RSRC1: variants seen among roughly 807,000 people sequenced by gnomAD.
RSRC1 encodes serine/Arginine-related protein 53.
A neutral mutation model predicts 49.1 loss-of-function variants in RSRC1; 39 were observed. The observed-to-expected ratio is 0.79, with a 90% CI of 0.61 to 1.04. The LOEUF is 1.04. Ranked by LOEUF, RSRC1 falls within the 50% of genes least tolerant of loss-of-function variation. The pLI, the probability that RSRC1 is intolerant of heterozygous loss-of-function variation, is 0.00. For synonymous variants in RSRC1, 143 were observed against 130.8 expected (o/e 1.09, Z -0.63); for missense variants, 388 against 402.4 (o/e 0.96, Z 0.31).
intron 6 of RSRC1, among the ~76,000 whole-genome samples, chr3:158,391,714 G>A (rs1733306463): frequency 6.6e-6 from 1 of 152,070 alleles, no homozygotes; most frequent in South Asian, 2.1e-4. Flanking sequence ...CATGTGCCCA[G>A]AACCTAATCC....
At chr3:158,354,738 G>A in intron 5 of RSRC1, 119 bp from the exon 6 acceptor site, 1 of 693,960 alleles carries the variant, frequency 1.4e-6, no homozygotes, top group Non-Finnish European at 2.4e-6. Context: ...TATAAATTAT[G>A]TTAAAGCTCT....
intron 4 of RSRC1, among the ~76,000 whole-genome samples, chr3:158,216,534 C>A (rs937250553): frequency 8.6e-5 from 13 of 151,450 alleles, no homozygotes; most frequent in African/African-American, 3.1e-4. Flanking sequence ...TCAATGGATT[C>A]ATTTCTGTTG....
At chr3:158,245,750 T>C (rs765957376) in intron 4 of RSRC1, among the ~76,000 whole-genome samples, 4 of 152,188 alleles carry the variant, frequency 2.6e-5, no homozygotes, top group Admixed American at 6.5e-5. Flanking sequence ...TTTTTGTTAA[T>C]TGAACCCTTT....
intron 1 of RSRC1, among the ~76,000 whole-genome samples, chr3:158,117,881 T>TTTTCTTTCTTTC (rs139354874): frequency 3.2e-4 from 48 of 150,478 alleles, no homozygotes; most frequent in African/African-American, 1.0e-3. Context: ...GTCTGTCTCT[T>TTTTCTTTCTTTC]TTTCTTTCTT....
At chr3:158,155,721 G>A (rs1559922078) in intron 3 of RSRC1, among the ~76,000 whole-genome samples, 1 of 151,772 alleles carries the variant, frequency 6.6e-6, no homozygotes, top group African/African-American at 2.4e-5. Flanking sequence ...AGGATTACAG[G>A]CATGAGCCAC....
intron 8 of RSRC1, among the ~76,000 whole-genome samples, chr3:158,542,612 C>T (rs1470988571): frequency 6.6e-6 from 1 of 152,144 alleles, no homozygotes; most frequent in Non-Finnish European, 1.5e-5. Context: ...TCTGAAATGT[C>T]TAGAATAGGC....
At chr3:158,509,471 A>G (rs1740036384) in intron 7 of RSRC1, among the ~76,000 whole-genome samples, 1 of 152,094 alleles carries the variant, frequency 6.6e-6, no homozygotes, top group South Asian at 2.1e-4. Flanking sequence ...TGCTTTCACC[A>G]CATCTGTATA....
chr3:158,440,245 A>G (rs1403507862), intron 6 of RSRC1, among the ~76,000 whole-genome samples: 1 of 152,038 alleles, frequency 6.6e-6, no homozygotes, highest in Admixed American at 6.6e-5. Context: ...ACTGGGAAAA[A>G]TGAGTGAGAA....
intron 3 of RSRC1, among the ~76,000 whole-genome samples, chr3:158,196,171 C>T (rs1370139050): frequency 8.8e-5 from 7 of 79,372 alleles, no homozygotes; most frequent in Non-Finnish European, 1.7e-4. Flanking sequence ...TCTTTTATTT[C>T]GTTGAGCAGT....
chr3:158,342,800 A>G (rs2108217501), intron 5 of RSRC1, among the ~76,000 whole-genome samples: 1 of 152,298 alleles, frequency 6.6e-6, no homozygotes, highest in Non-Finnish European at 1.5e-5. Context: ...AGCTCTCGAG[A>G]CAGTGAACAT....
chr3:158,409,239 A>G (rs1734306086), intron 6 of RSRC1, among the ~76,000 whole-genome samples: 2 of 152,080 alleles, frequency 1.3e-5, no homozygotes, highest in Admixed American at 1.3e-4. Flanking sequence ...CCCAGGACAC[A>G]AGTTTGCCTG....
chr3:158,474,887 A>G (rs1175098827), intron 7 of RSRC1, among the ~76,000 whole-genome samples: 3 of 151,916 alleles, frequency 2.0e-5, no homozygotes, highest in Non-Finnish European at 4.4e-5. Context: ...CTGTCCTTTC[A>G]TAGCACTTAT....
chr3:158,336,968 C>T (rs975133628), intron 5 of RSRC1, among the ~76,000 whole-genome samples: 18 of 152,140 alleles, frequency 1.2e-4, no homozygotes, highest in Non-Finnish European at 1.9e-4. Flanking sequence ...TCAGGGAGCC[C>T]GGCATAGCCG....
chr3:158,393,836 G>C (rs146989729), intron 6 of RSRC1, among the ~76,000 whole-genome samples: 100 of 152,078 alleles, frequency 6.6e-4, no homozygotes, highest in African/African-American at 2.3e-3. Context: ...AGCAAAACCT[G>C]CTAGAGACAC....
chr3:158,324,619 A>C (rs1434398525), intron 5 of RSRC1, among the ~76,000 whole-genome samples: 1 of 152,036 alleles, frequency 6.6e-6, no homozygotes, highest in Non-Finnish European at 1.5e-5. Context: ...CATTTTCTTA[A>C]TCCAGTCTAT....
intron 6 of RSRC1, among the ~76,000 whole-genome samples, chr3:158,410,809 G>A (rs1327031798): frequency 6.6e-6 from 1 of 151,848 alleles, no homozygotes. Context: ...TTATTATAAA[G>A]CAGTATTATA....
intron 4 of RSRC1, among the ~76,000 whole-genome samples, chr3:158,266,704 A>G (rs1001469789): frequency 1.3e-5 from 2 of 152,016 alleles, no homozygotes; most frequent in African/African-American, 2.4e-5. Context: ...AACTTATCCC[A>G]TTATATTTAT....
intron 4 of RSRC1, chr3:158,225,695 C>T (rs1023825450): frequency 2.2e-6 from 1 of 453,576 alleles, no homozygotes; most frequent in Non-Finnish European, 4.4e-6. Context: ...AAGAAACTTA[C>T]ATCTAACAGG....
intron 6 of RSRC1, among the ~76,000 whole-genome samples, chr3:158,452,900 G>A (rs1214646454): frequency 2.0e-5 from 3 of 152,034 alleles, no homozygotes; most frequent in South Asian, 2.1e-4. Flanking sequence ...ATTCTAGTTA[G>A]GCAAGTAAAC....
Sources: gnomAD v4.1 joint callset for allele counts (sites outside exome capture counted in the v4.1 genomes callset) on GRCh38, gnomAD v4.1.1 for gene constraint, MANE v1.5 for transcripts, NCBI Gene and HGNC (gene_info 2026-07-23, HGNC 2026-07-21) for gene names.